Variants in CHCHD3 observed in about 807,000 individuals in gnomAD.
The protein encoded by CHCHD3 is coiled-coil-helix-coiled-coil-helix domain containing 3, also known as MICOS complex subunit MIC19.
CHCHD3 carries 20 observed loss-of-function variants against 38.2 expected under a neutral mutation model. The ratio of observed to expected loss-of-function variants is 0.52; its 90% confidence interval spans 0.37 to 0.76. The LOEUF (loss-of-function observed/expected upper bound fraction) is 0.76, where lower values mean the gene tolerates loss of function less well. Ranked by LOEUF, CHCHD3 falls within the 30% of genes least tolerant of loss-of-function variation. CHCHD3 has a pLI of 0.00. For missense variants in CHCHD3, 245 were observed against 279.2 expected, an observed-to-expected ratio of 0.88 and a Z score of 0.87; for synonymous variants, 82 against 100.0, an observed-to-expected ratio of 0.82 and a Z score of 1.07.
chr7:132,876,742 A>G (rs890106704), intron 5 of CHCHD3, among the ~76,000 whole-genome samples: 1 of 152,218 alleles, frequency 6.6e-6, no homozygotes, highest in African/African-American at 2.4e-5. Flanking sequence ...AAGAAAAGGA[A>G]GAGATCATTA....
intron 3 of CHCHD3, among the ~76,000 whole-genome samples, chr7:132,999,119 A>AGAGAG: frequency 6.6e-6 from 1 of 152,204 alleles, no homozygotes; most frequent in Non-Finnish European, 1.5e-5. Context: ...ACCCTGTCTC[A>AGAGAG]AAACAAACAA....
Position 132,788,671 on chromosome 7 carries a change from T to A in CHCHD3, c.661-3011A>T, listed in dbSNP as rs1016136220. Among the ~76,000 whole-genome samples the A allele has an allele frequency of 6.6e-6, 1 of 152,178 alleles. No homozygotes were observed. On this transcript the variant is annotated intron_variant, in intron 7 of 7. Coordinates refer to ENST00000262570, the MANE Select transcript of CHCHD3 (RefSeq NM_017812.4). This position sits in a 1 kb window ranked among gnomAD's most constrained non-coding sequence, Gnocchi z 4.0. ...GCTGGTCTGAGGATGAGCAGGCCAG[T>A]CTCACATAAAGACACTAAAAGAAGT...
intron 6 of CHCHD3, among the ~76,000 whole-genome samples, chr7:132,816,597 G>A (rs79043368): frequency 0.016 from 2,436 of 152,170 alleles, 68 homozygotes; most frequent in African/African-American, 0.055. Flanking sequence ...CCCCAAATCC[G>A]AGAGCAGGGC....
chr7:133,021,708 G>A (rs1241213277), intron 3 of CHCHD3, among the ~76,000 whole-genome samples: 1 of 152,182 alleles, frequency 6.6e-6, no homozygotes, highest in African/African-American at 2.4e-5. Flanking sequence ...AGAGTGACTA[G>A]ATATGTGGAT....
At chr7:132,958,918 G>A (rs1811245387) in intron 4 of CHCHD3, among the ~76,000 whole-genome samples, 1 of 152,192 alleles carries the variant, frequency 6.6e-6, no homozygotes, top group Non-Finnish European at 1.5e-5. Context: ...ACTGGGAGAG[G>A]AAGAAAACAT....
At chr7:132,916,514 A>C (rs1030263714) in intron 4 of CHCHD3, among the ~76,000 whole-genome samples, 3 of 152,198 alleles carry the variant, frequency 2.0e-5, no homozygotes, top group Non-Finnish European at 4.4e-5. Context: ...TGATATTCAC[A>C]TAACTTTTAT....
intron 4 of CHCHD3, among the ~76,000 whole-genome samples, chr7:132,924,189 A>G (rs541723332): frequency 6.6e-5 from 10 of 152,184 alleles, no homozygotes; most frequent in Non-Finnish European, 1.0e-4. Context: ...GACAATGATG[A>G]GACTAGGAAT....
At chr7:132,989,606 T>C (rs1490772881) in intron 3 of CHCHD3, among the ~76,000 whole-genome samples, 1 of 152,194 alleles carries the variant, frequency 6.6e-6, no homozygotes, top group Non-Finnish European at 1.5e-5. Context: ...TGGACCTTCT[T>C]CTTAAATATT....
rs1806369661 is a variant in CHCHD3, at chr7:132,788,050, T to C, written c.661-2390A>G. 6.6e-6 allele frequency among the ~76,000 whole-genome samples: 1 copy of C among 152,186 alleles called. No homozygotes were observed. Among genetic ancestry groups the C allele is most frequent in the South Asian group, 2.1e-4 (1 of 4,824 alleles). ...CACCCACCATGTAAGAGACACCACC[T>C]GGCAGTGTCACAGCGTCACAGCATC... On this transcript the variant is annotated intron_variant, in intron 7 of 7. Coordinates refer to ENST00000262570, the MANE Select transcript of CHCHD3 (RefSeq NM_017812.4). This position sits in a 1 kb window ranked among gnomAD's most constrained non-coding sequence, Gnocchi z 4.0.
intron 5 of CHCHD3, among the ~76,000 whole-genome samples, chr7:132,878,123 C>G (rs1262299757): frequency 1.3e-5 from 2 of 152,138 alleles, no homozygotes. Context: ...AATTGTGAAT[C>G]CATCCTGCAT....
At chr7:133,020,781 T>C (rs1433953820) in intron 3 of CHCHD3, among the ~76,000 whole-genome samples, 1 of 152,166 alleles carries the variant, frequency 6.6e-6, no homozygotes, top group African/African-American at 2.4e-5. Flanking sequence ...TTTGACGGCA[T>C]AGAATATGAT....
chr7:132,853,427 C>T (rs1250172100), intron 5 of CHCHD3, among the ~76,000 whole-genome samples: 1 of 152,118 alleles, frequency 6.6e-6, no homozygotes, highest in Non-Finnish European at 1.5e-5. Flanking sequence ...TCGAGACCAT[C>T]CTGGCCAACA....
chr7:132,950,777 T>C (rs1268425372), intron 4 of CHCHD3, among the ~76,000 whole-genome samples: 2 of 152,250 alleles, frequency 1.3e-5, no homozygotes, highest in Non-Finnish European at 2.9e-5. Flanking sequence ...ATGTGGTTTC[T>C]TGATTTTATC....
chr7:133,002,312 C>T (rs1326473050), intron 3 of CHCHD3, among the ~76,000 whole-genome samples: 1 of 152,108 alleles, frequency 6.6e-6, no homozygotes, highest in Non-Finnish European at 1.5e-5. Flanking sequence ...ACTTGGCTTC[C>T]TAACTGAAGA....
chr7:132,928,763 C>T (rs1230959329), intron 4 of CHCHD3, among the ~76,000 whole-genome samples: 1 of 152,064 alleles, frequency 6.6e-6, no homozygotes, highest in Non-Finnish European at 1.5e-5. Flanking sequence ...ATCAATAAAT[C>T]CCTTAATTGA....
intron 4 of CHCHD3, among the ~76,000 whole-genome samples, chr7:132,900,868 G>A (rs961158749): frequency 5.9e-5 from 9 of 152,142 alleles, no homozygotes; most frequent in African/African-American, 2.2e-4. Context: ...GTGGGCACCT[G>A]TGGTCCCAGC....
intron 2 of CHCHD3, among the ~76,000 whole-genome samples, chr7:133,063,495 T>C (rs952066037): frequency 4.0e-4 from 61 of 152,206 alleles, no homozygotes; most frequent in African/African-American, 1.4e-3. Flanking sequence ...TCTCACGCAT[T>C]TGAGGGCAAC....
At chr7:132,880,582 T>C (rs1165541709) in intron 5 of CHCHD3, among the ~76,000 whole-genome samples, 1 of 152,160 alleles carries the variant, frequency 6.6e-6, no homozygotes, top group Non-Finnish European at 1.5e-5. Flanking sequence ...CTAGGATTCA[T>C]TCACTGTGCT....
chr7:132,980,862 TTACTC>T (rs1333550532), intron 3 of CHCHD3, among the ~76,000 whole-genome samples: 5 of 152,222 alleles, frequency 3.3e-5, no homozygotes, highest in African/African-American at 1.2e-4. Context: ...CAGTTTGACT[TTACTC>T]TAAAGAACCT....
Sources: gnomAD v4.1 joint callset for allele counts (sites outside exome capture counted in the v4.1 genomes callset) on GRCh38, gnomAD v4.1.1 for gene constraint, Gnocchi (gnomAD v3.1) non-coding constraint, MANE v1.5 for transcripts, NCBI Gene and HGNC (gene_info 2026-07-23, HGNC 2026-07-21) for gene names.